The following BRD2 variants were observed in gnomAD, a reference collection of about 807,000 sequenced individuals.
The protein encoded by BRD2 is bromodomain-containing protein 2.
Under a neutral mutation model 79.1 loss-of-function variants are expected in BRD2, and 15 were observed. The observed-to-expected ratio is 0.19, with a 90% CI of 0.13 to 0.29. BRD2 has a LOEUF of 0.29. Ranked by LOEUF, BRD2 falls within the 10% of genes least tolerant of loss-of-function variation. The pLI is 1.00. For synonymous variants in BRD2, 488 were observed against 358.6 expected (o/e 1.36, Z -4.08); for missense variants, 1,053 against 991.3 (o/e 1.06, Z -0.84).
intron 7 of BRD2, 160 bp from the exon 8 acceptor site, chr6:32,977,282 C>T: frequency 1.3e-6 from 2 of 1,581,508 alleles, no homozygotes; most frequent in African/African-American, 1.3e-5. Flanking sequence ...CTTCAACCCA[C>T]CCAAATTCCT....
At position 32,972,138 on chromosome 6, in the gene BRD2, T is replaced by G; in HGVS notation, c.-761T>G. On this transcript the variant is annotated 5_prime_UTR_variant, in exon 2 of 13. It removes an upstream start codon present in the reference 5' UTR. Transcript: ENST00000374825. ...AAAAGCTCAAGCAGGGTGGCGCGCA[T>G]GAGCGGCGAAGCTCCTCCTCCCCGC... 1.5e-6 allele frequency: 1 copy of G among 655,290 alleles called. No homozygotes were observed. The highest frequency in any genetic ancestry group is 2.8e-5 in the East Asian group (1 of 35,708). 40.6% of individuals were successfully genotyped at this position (655,290 alleles called of 1,614,324 possible).
In BRD2 at chr6:32,977,480, G is replaced by C. The variant is rs1286221019; in HGVS notation, c.1239G>C (p.Glu413Asp). ...ACCGTGATTACCGGGATGCACAGGA[G>C]TTTGCTGCTGATGTACGGCTTATGT... Reference protein sequence around the residue: ...MENRDYRDAQEFAADVRLMFS... With the variant: ...MENRDYRDAQDFAADVRLMFS... Residue 413 changes from glutamate to aspartate, a missense_variant, in exon 8 of 13, where the codon GAG (glutamate) becomes GAC (aspartate). Physicochemically the swap from Glu to Asp is conservative, Grantham distance 45 (BLOSUM62 2). Coordinates refer to ENST00000374825, the MANE Select transcript of BRD2 (RefSeq NM_005104.4). The C allele has an allele frequency of 6.2e-7, 1 of 1,614,066 alleles. No individual in the cohort carries two copies. Among genetic ancestry groups the C allele is most frequent in the Admixed American group, 1.7e-5 (1 of 60,036 alleles).
chr6:32,976,859 C>G lies in BRD2; in HGVS notation c.1123C>G (p.Pro375Ala), dbSNP rs1778832244. The part of the protein sequence containing the change: ...HAAYAWPFYK[P>A]VDASALGLHD... ...TGCCTATGCTTGGCCTTTCTATAAA[C>G]CAGTGGATGCTTCTGCACTTGGCCT... The change falls in exon 7 of 13, where the codon CCA (proline) becomes GCA (alanine). Residue 375 changes from proline (P) to alanine (A), a missense_variant. Coordinates refer to ENST00000374825, the MANE Select transcript of BRD2 (RefSeq NM_005104.4). The G allele has an allele frequency of 1.9e-6, 3 of 1,613,152 alleles. No homozygotes were observed. The highest frequency in any genetic ancestry group is 2.5e-6 in the Non-Finnish European group (3 of 1,180,038).
In BRD2 at chr6:32,972,583, T is replaced by C; in HGVS notation, c.-316T>C. ...GAATCCCTGCAGACCAACAGCGGGC[T>C]ATATTGACGACGGTGTCTGAGATCG... is the stretch of plus-strand genomic sequence containing the variant. On this transcript the variant is annotated 5_prime_UTR_variant, in exon 2 of 13. Transcript: ENST00000374825. The C allele has an allele frequency of 3.9e-6, 2 of 518,174 alleles. No homozygotes were observed. Among genetic ancestry groups the C allele is most frequent in the Admixed American group, 3.4e-5 (1 of 29,184 alleles). The allele number at this position is 518,174 out of a possible 1,614,324, so 32.1% of individuals were successfully genotyped here.
intron 10 of BRD2, chr6:32,979,036 T>G (rs1779147944): frequency 9.1e-6 from 1 of 110,246 alleles, no homozygotes; most frequent in African/African-American, 3.3e-5. Flanking sequence ...TTTGGTGTGG[T>G]TTTGTGTTTT....
Position 32,980,918 on chromosome 6 carries a change from T to G in BRD2, c.*200T>G. On this transcript the variant is annotated 3_prime_UTR_variant, in exon 13 of 13. Transcript: ENST00000374825. Reference sequence around the variant, plus strand: ...GGGACATGGACAAAACAACATTGAATTCCCAGCCCCATTGGGGAGTGATCT... The same window carrying G: ...GGGACATGGACAAAACAACATTGAAGTCCCAGCCCCATTGGGGAGTGATCT... 6.4e-6 allele frequency: 4 copies of G among 629,022 alleles called. No individual in the cohort carries two copies. The highest frequency in any genetic ancestry group is 8.1e-6 in the Non-Finnish European group (3 of 368,534). The allele number at this position is 629,022 out of a possible 1,614,324, so 39.0% of individuals were successfully genotyped here.
intron 3 of BRD2, 99 bp from the exon 4 acceptor site, chr6:32,975,285 G>GT (rs1554143939): frequency 0.15 from 103,317 of 684,450 alleles, 2,617 homozygotes; most frequent in Non-Finnish European, 0.17. Flanking sequence ...GCATAGGGGG[G>GT]GTGTGTGTGT....
At chr6:32,973,462 T>C (rs1778307592) in intron 2 of BRD2, among the ~76,000 whole-genome samples, 2 of 151,996 alleles carry the variant, frequency 1.3e-5, no homozygotes, top group African/African-American at 4.8e-5. Flanking sequence ...TTGTGTGTGG[T>C]GTTTGTTGGT....
At chr6:32,974,816 G>GA (rs1159315531) in intron 3 of BRD2, 51 bp downstream of exon 3, 1 of 1,581,172 alleles carries the variant, frequency 6.3e-7, no homozygotes, top group Admixed American at 1.7e-5. Flanking sequence ...AAGAATGCGT[G>GA]TGAATGGGGG....
chr6:32,970,991 C>T (rs1282931603), intron 1 of BRD2: 2 of 146,502 alleles, frequency 1.4e-5, no homozygotes, highest in Non-Finnish European at 3.0e-5. Flanking sequence ...GACTCCGGAC[C>T]CTGGTGGGGG....
rs116415048 is a variant in BRD2, at chr6:32,972,249, C to T, written c.-650C>T. On this transcript the variant is annotated 5_prime_UTR_variant, in exon 2 of 13. Coordinates refer to ENST00000374825, the MANE Select transcript of BRD2 (RefSeq NM_005104.4). ...CTCTAGAACGAGCTGGAGGATTCTG[C>T]CTACCGATACAGAGCCTTCGAGTCG... 1,400 of 469,214 alleles carry T rather than the reference C, an allele frequency of 3.0e-3. 1 individual carries two copies. Among genetic ancestry groups the T allele is most frequent in the Non-Finnish European group, 4.6e-3 (1,152 of 253,044 alleles). The allele number at this position is 469,214 out of a possible 1,614,324, so 29.1% of individuals were successfully genotyped here. A position where few individuals can be genotyped will look rare whatever the true frequency, so the allele number is the denominator to read the frequency against.
Position 32,968,853 on chromosome 6 carries a change from C to G in BRD2, c.-1508C>G, listed in dbSNP as rs1777682989. On this transcript the variant is annotated 5_prime_UTR_variant, in exon 1 of 13. Transcript: ENST00000374825. ...GAAGCGGGCACGTGACCCCGGTCAGCCAATCTGGGTGCTGCTGACGTGGCC... is the reference window on the plus strand; with the variant it reads ...GAAGCGGGCACGTGACCCCGGTCAGGCAATCTGGGTGCTGCTGACGTGGCC... The G allele has an allele frequency of 6.4e-6, 1 of 155,412 alleles. No individual in the cohort carries two copies. The highest frequency in any genetic ancestry group is 2.4e-5 in the African/African-American group (1 of 41,504). The allele number at this position is 155,412 out of a possible 1,614,324, so 9.6% of individuals were successfully genotyped here.
chr6:32,975,277 A>G (rs1778572561), intron 3 of BRD2, 107 bp from the exon 4 acceptor site: 54 of 1,066,130 alleles, frequency 5.1e-5, no homozygotes, highest in Non-Finnish European at 6.9e-5. Flanking sequence ...CCTTTGATGC[A>G]TAGGGGGGGT....
chr6:32,971,296 T>G, intron 1 of BRD2: 1 of 299,876 alleles, frequency 3.3e-6, no homozygotes, highest in Non-Finnish European at 6.1e-6. Context: ...CAGAAATGTA[T>G]TGGTAACTGT....
At position 32,976,321 on chromosome 6, in the gene BRD2, ACTC is replaced by A. The variant is rs1418897653; in HGVS notation, c.687_689del (p.Pro231del). On this transcript the variant is annotated inframe_deletion, in exon 6 of 13. Transcript: ENST00000374825. ...TTCTGTGTCACACACAGCCCTGTAT[ACTC>A]CTCCACCTGAGATACCTACCACTGT... 2 of 1,612,412 alleles carry A rather than the reference ACTC, an allele frequency of 1.2e-6. No homozygotes were observed. Among genetic ancestry groups the A allele is most frequent in the Admixed American group, 3.3e-5 (2 of 59,986 alleles).
Position 32,972,209 on chromosome 6 carries a change from C to T in BRD2, c.-690C>T, listed in dbSNP as rs1379733721. 1.7e-5 allele frequency: 9 copies of T among 536,208 alleles called. No individual in the cohort carries two copies. Among genetic ancestry groups the T allele is most frequent in the Non-Finnish European group, 2.4e-5 (7 of 293,838 alleles). 33.2% of individuals were successfully genotyped at this position (536,208 alleles called of 1,614,324 possible). On this transcript the variant is annotated 5_prime_UTR_variant, in exon 2 of 13. Transcript: ENST00000374825. ...CGGGGCTCGGCGGCGCCATTTCGTG[C>T]TGGAGTGGAGCAGCCTCTAGAACGA...
At chr6:32,971,342 A>C in intron 1 of BRD2, 1 of 370,124 alleles carries the variant, frequency 2.7e-6, no homozygotes, top group Non-Finnish European at 4.8e-6. Context: ...AGGTGCTTGG[A>C]CGTGCAAATT....
At position 32,977,850 on chromosome 6, in the gene BRD2, A is replaced by C. The variant is rs903472253; in HGVS notation, c.1423A>C (p.Lys475Gln). 1 of 1,613,152 alleles carries C rather than the reference A, an allele frequency of 6.2e-7. No individual in the cohort carries two copies. Residue 475 changes from lysine to glutamine, a missense_variant, in exon 9 of 13, where the codon AAA (lysine) becomes CAA (glutamine). By Grantham distance (53) the Lys-to-Gln change is moderately conservative (BLOSUM62 1). This residue lies in a region of BRD2 where 454 missense variants were observed against 430.5 expected (regional missense o/e 1.05). Transcript: ENST00000374825. ...TACTGCCATGCCCCCTGGCTTGGCCAAATCGTCTTCAGAGTCCTCCAGTGA... is the reference window on the plus strand; with the variant it reads ...TACTGCCATGCCCCCTGGCTTGGCCCAATCGTCTTCAGAGTCCTCCAGTGA... ...VSTAMPPGLA[K>Q]SSSESSSEES...
At position 32,979,954 on chromosome 6, in the gene BRD2, A is replaced by G. The variant is rs760168306; in HGVS notation, c.1968A>G (p.Lys656=). 19 of 1,613,102 alleles carry G rather than the reference A, an allele frequency of 1.2e-5. No individual in the cohort carries two copies. The African/African-American group carries it at 1.2e-4, about 10-fold the overall frequency. The part of the protein sequence containing the change: ...EKRQLSLDIN[K]LPGEKLGRVV... ...GGCAGCTGAGCCTGGACATCAACAA[A>G]TTACCTGGGGAGAAGCTGGGCCGAG... is the stretch of plus-strand genomic sequence containing the variant. Residue 656 remains lysine, a synonymous_variant, in exon 11 of 13, where the codon AAA becomes AAG. Coordinates refer to ENST00000374825, the MANE Select transcript of BRD2 (RefSeq NM_005104.4).
Sources: allele counts gnomAD v4.1 joint callset (sites outside exome capture counted in the v4.1 genomes callset), GRCh38; gene constraint gnomAD v4.1.1; regional missense constraint gnomAD v4.1.1; transcripts MANE v1.5; gene names NCBI Gene and HGNC (gene_info 2026-07-23, HGNC 2026-07-21).